Variants in BRIP1 observed in about 807,000 individuals in gnomAD.
BRIP1 encodes Fanconi anemia group J protein.
Under a neutral mutation model 119.7 loss-of-function variants are expected in BRIP1, and 88 were observed. That is an observed-to-expected ratio of 0.74 (90% CI 0.62 to 0.88). The LOEUF (loss-of-function observed/expected upper bound fraction) is 0.88, where lower values mean the gene tolerates loss of function less well. Among genes scored for constraint, BRIP1 ranks in the 40% least tolerant of loss-of-function variants. The pLI is 0.00. For synonymous variants in BRIP1, 443 were observed against 496.5 expected (o/e 0.89, Z 1.43); for missense variants, 1,259 against 1,455.4 (o/e 0.87, Z 2.20).
At position 61,861,393 on chromosome 17, in the gene BRIP1, T is replaced by C. The variant is rs1210794760; in HGVS notation, c.93+54A>G. 9.6e-6 allele frequency: 11 copies of C among 1,146,714 alleles called. No individual in the cohort carries two copies. Among genetic ancestry groups the C allele is most frequent in the Non-Finnish European group, 1.5e-5 (11 of 758,244 alleles). 71.0% of individuals were successfully genotyped at this position (1,146,714 alleles called of 1,614,324 possible). On this transcript the variant is annotated intron_variant, in intron 2 of 19. Transcript: ENST00000259008. The surrounding 1 kb of genome is among the most constrained non-coding windows in gnomAD (Gnocchi z 4.5). ...GCAGTCAAATACTCAATGTACTTTA[T>C]GGGTCATAAGTATCTATATCTTAAT...
chr17:61,711,167 T>G (rs186448205), intron 17 of BRIP1, among the ~76,000 whole-genome samples: 1 of 151,866 alleles, frequency 6.6e-6, no homozygotes, highest in Non-Finnish European at 1.5e-5. Context: ...AGATAATATA[T>G]GTGGAGAAGG....
chr17:61,860,346 T>C lies in BRIP1; in HGVS notation c.94-439A>G, dbSNP rs2078957222. Reference sequence around the variant, plus strand: ...GTTCTATGTGTACACCCAAAACCTTTCCCACATGAACACAAGGAAACATGC... The same window carrying C: ...GTTCTATGTGTACACCCAAAACCTTCCCCACATGAACACAAGGAAACATGC... On this transcript the variant is annotated intron_variant, in intron 2 of 19. Transcript: ENST00000259008. The surrounding 1 kb of genome is among the most constrained non-coding windows in gnomAD (Gnocchi z 4.1). Among the ~76,000 whole-genome samples, 1 of 152,120 alleles carries C rather than the reference T, an allele frequency of 6.6e-6. No homozygotes were observed. The highest frequency in any genetic ancestry group is 2.4e-5 in the African/African-American group (1 of 41,416).
chr17:61,706,018 A>G lies in BRIP1; in HGVS notation c.2492+9933T>C, dbSNP rs1258946641. ...TATTGAGAGGAATTTTGAAGTTTCC[A>G]AGTATAATTGTGTATTTTTCTATTT... On this transcript the variant is annotated intron_variant, in intron 17 of 19. Transcript: ENST00000259008. The surrounding 1 kb of genome is among the most constrained non-coding windows in gnomAD (Gnocchi z 5.7). Among the ~76,000 whole-genome samples the G allele has an allele frequency of 6.6e-6, 1 of 152,166 alleles. No individual in the cohort carries two copies. Among genetic ancestry groups the G allele is most frequent in the East Asian group, 1.9e-4 (1 of 5,198 alleles).
In BRIP1 at chr17:61,852,081, C is replaced by T. The variant is rs922913477; in HGVS notation, c.380-2825G>A. Among the ~76,000 whole-genome samples, 28 of 152,286 alleles carry T rather than the reference C, an allele frequency of 1.8e-4. No homozygotes were observed. The highest frequency in any genetic ancestry group is 3.8e-4 in the African/African-American group (16 of 41,578). On this transcript the variant is annotated intron_variant, in intron 4 of 19. Coordinates refer to ENST00000259008, the MANE Select transcript of BRIP1 (RefSeq NM_032043.3). The surrounding 1 kb of genome is among the most constrained non-coding windows in gnomAD (Gnocchi z 4.9). Reference sequence around the variant, plus strand: ...GGAGAAACTCTGTCCCAAATAAATACGGGGCAAACTGACATGGGCCTATTA... The same window carrying T: ...GGAGAAACTCTGTCCCAAATAAATATGGGGCAAACTGACATGGGCCTATTA...
In BRIP1 at chr17:61,799,170, T is replaced by C. The variant is rs1028779004; in HGVS notation, c.1270A>G (p.Ser424Gly). ...TTCCTTATATTATTGTTGACCATAC[T>C]ATCTAGTTCATCCCGAGCAAACCGA... ...QLRFARDELD[S>G]MVNNNIRKKD... Residue 424 changes from serine to glycine, a missense_variant, in exon 9 of 20, where the codon AGT becomes GGT. Ser to Gly is a moderately conservative substitution (Grantham distance 56). Coordinates refer to ENST00000259008, the MANE Select transcript of BRIP1 (RefSeq NM_032043.3). This position sits in a 1 kb window ranked among gnomAD's most constrained non-coding sequence, Gnocchi z 5.1. The C allele has an allele frequency of 1.2e-6, 2 of 1,613,770 alleles. No individual in the cohort carries two copies. The highest frequency in any genetic ancestry group is 1.7e-6 in the Non-Finnish European group (2 of 1,179,734).
At position 61,735,073 on chromosome 17, in the gene BRIP1, G is replaced by A. The variant is rs58564567; in HGVS notation, c.2379+7940C>T. 6.6e-6 allele frequency among the ~76,000 whole-genome samples: 1 copy of A among 152,238 alleles called. No individual in the cohort carries two copies. The highest frequency in any genetic ancestry group is 2.4e-5 in the African/African-American group (1 of 41,556). ...TTAAGGTCCTATAATTTGAAGCATA[G>A]TTTTAGTTTTGGAAGAGCCATCTAT... is the stretch of plus-strand genomic sequence containing the variant. On this transcript the variant is annotated intron_variant, in intron 16 of 19. Coordinates refer to ENST00000259008, the MANE Select transcript of BRIP1 (RefSeq NM_032043.3). The surrounding 1 kb of genome is among the most constrained non-coding windows in gnomAD (Gnocchi z 4.4).
rs1426207916 is a variant in BRIP1 at position 61,846,289 on chromosome 17, A to AT, written c.627+811dup. 6.6e-6 allele frequency among the ~76,000 whole-genome samples: 1 copy of AT among 152,088 alleles called. No individual in the cohort carries two copies. Among genetic ancestry groups the AT allele is most frequent in the Non-Finnish European group, 1.5e-5 (1 of 68,002 alleles). On this transcript the variant is annotated intron_variant, in intron 6 of 19. Coordinates refer to ENST00000259008, the MANE Select transcript of BRIP1 (RefSeq NM_032043.3). This position sits in a 1 kb window ranked among gnomAD's most constrained non-coding sequence, Gnocchi z 4.3. ...GAGAGAGAGAGAGAGGTTGGAGCCAATACCTTGATTTCTGCTAAGGCACCA... is the reference window on the plus strand; with the variant it reads ...GAGAGAGAGAGAGAGGTTGGAGCCAATTACCTTGATTTCTGCTAAGGCACCA...
chr17:61,713,265 ATACTGTACTTCTTATCACTACAGTG>A lies in BRIP1; in HGVS notation c.2492+2661_2492+2685del, dbSNP rs1490188861. 6.6e-6 allele frequency among the ~76,000 whole-genome samples: 1 copy of A among 152,160 alleles called. No homozygotes were observed. Among genetic ancestry groups the A allele is most frequent in the Non-Finnish European group, 1.5e-5 (1 of 68,030 alleles). The stretch of plus-strand genomic sequence containing the variant: ...TGTGTTACTGGTTTGTGTATTTACT[ATACTGTACTTCTTATCACTACAGTG>A]TACTCCTTTCACTTACATTAAAAAA... On this transcript the variant is annotated intron_variant, in intron 17 of 19. Coordinates refer to ENST00000259008, the MANE Select transcript of BRIP1 (RefSeq NM_032043.3). The surrounding 1 kb of genome is among the most constrained non-coding windows in gnomAD (Gnocchi z 4.9).
rs2077049657 is a variant in BRIP1, at chr17:61,745,724, C to T, written c.2098-1133G>A. ...GTTAAATAGAAAAAACACAGTATAA[C>T]TCATGAAATCTTTAGTTATGAATAA... On this transcript the variant is annotated intron_variant, in intron 14 of 19. Transcript: ENST00000259008. This position sits in a 1 kb window ranked among gnomAD's most constrained non-coding sequence, Gnocchi z 4.4. 6.6e-6 allele frequency among the ~76,000 whole-genome samples: 1 copy of T among 152,106 alleles called. No individual in the cohort carries two copies. The highest frequency in any genetic ancestry group is 1.5e-5 in the Non-Finnish European group (1 of 68,030).
rs2061471357 is a variant in BRIP1 at position 61,693,126 on chromosome 17, C to G, written c.2575+304G>C. ...TAAGCCAGTTACAGAAGGACAAATA[C>G]TGCATAATTCAATTTATATGAGGTA... On this transcript the variant is annotated intron_variant, in intron 18 of 19. Coordinates refer to ENST00000259008, the MANE Select transcript of BRIP1 (RefSeq NM_032043.3). This position sits in a 1 kb window ranked among gnomAD's most constrained non-coding sequence, Gnocchi z 4.2. 6.6e-6 allele frequency among the ~76,000 whole-genome samples: 1 copy of G among 152,120 alleles called. No individual in the cohort carries two copies. The highest frequency in any genetic ancestry group is 1.9e-4 in the East Asian group (1 of 5,196).
At chr17:61,821,501 T>C (rs1457166042) in intron 6 of BRIP1, among the ~76,000 whole-genome samples, 4 of 149,794 alleles carry the variant, frequency 2.7e-5, no homozygotes, top group Admixed American at 6.7e-5. Flanking sequence ...TTCTCTTTTT[T>C]TTTCTTGTAT....
Position 61,742,222 on chromosome 17 carries a change from T to C in BRIP1, c.2379+791A>G, listed in dbSNP as rs2076995511. 6.6e-6 allele frequency among the ~76,000 whole-genome samples: 1 copy of C among 152,188 alleles called. No individual in the cohort carries two copies. Among genetic ancestry groups the C allele is most frequent in the African/African-American group, 2.4e-5 (1 of 41,436 alleles). On this transcript the variant is annotated intron_variant, in intron 16 of 19. Transcript: ENST00000259008. This position sits in a 1 kb window ranked among gnomAD's most constrained non-coding sequence, Gnocchi z 4.7. ...TCAGCTTTCACAGAATTGAAGAGAG[T>C]TAGGGCCTTGCTCTGAATTAAGTTT...
Position 61,722,954 on chromosome 17 carries a change from C to CA in BRIP1, c.2380-6892dup, listed in dbSNP as rs1389945428. Among the ~76,000 whole-genome samples the CA allele has an allele frequency of 6.6e-6, 1 of 151,834 alleles. No homozygotes were observed. The highest frequency in any genetic ancestry group is 2.4e-5 in the African/African-American group (1 of 41,366). ...TACAAAAGAACAAAAAACTCCCAAA[C>CA]AAAAAACAAAACCCTGAAATGAACT... On this transcript the variant is annotated intron_variant, in intron 16 of 19. Coordinates refer to ENST00000259008, the MANE Select transcript of BRIP1 (RefSeq NM_032043.3). This position sits in a 1 kb window ranked among gnomAD's most constrained non-coding sequence, Gnocchi z 4.6.
At chr17:61,813,179 AAAG>A (rs764015599) in intron 6 of BRIP1, among the ~76,000 whole-genome samples, 2 of 152,048 alleles carry the variant, frequency 1.3e-5, no homozygotes, top group African/African-American at 2.4e-5. Flanking sequence ...CTAAGTATAT[AAAG>A]AAGTAGAGAG....
intron 6 of BRIP1, among the ~76,000 whole-genome samples, chr17:61,811,483 G>A (rs1010003760): frequency 4.6e-5 from 7 of 151,654 alleles, no homozygotes; most frequent in East Asian, 3.9e-4. Flanking sequence ...TCGGCCTCCC[G>A]AAGTGCTGGG....
In BRIP1 at chr17:61,717,261, TTC is replaced by T. The variant is rs893272556; in HGVS notation, c.2380-1200_2380-1199del. The stretch of plus-strand genomic sequence containing the variant: ...AATAATCTATGTATTTTATTCAGAT[TTC>T]TGTTTTGTCCCAAAAGATTATCTTT... On this transcript the variant is annotated intron_variant, in intron 16 of 19. Transcript: ENST00000259008. This position sits in a 1 kb window ranked among gnomAD's most constrained non-coding sequence, Gnocchi z 4.1. Among the ~76,000 whole-genome samples, 2 of 152,084 alleles carry T rather than the reference TTC, an allele frequency of 1.3e-5. No homozygotes were observed. Among genetic ancestry groups the T allele is most frequent in the African/African-American group, 2.4e-5 (1 of 41,464 alleles).
At position 61,796,702 on chromosome 17, in the gene BRIP1, AT is replaced by A. The variant is rs534761751; in HGVS notation, c.1340+2397del. ...ATAAAAGACAGACTATCTATTTTAC[AT>A]GTTTAAAAAATGATTCTAGCTACCA... On this transcript the variant is annotated intron_variant, in intron 9 of 19. Coordinates refer to ENST00000259008, the MANE Select transcript of BRIP1 (RefSeq NM_032043.3). This position sits in a 1 kb window ranked among gnomAD's most constrained non-coding sequence, Gnocchi z 4.8. 2.1e-3 allele frequency among the ~76,000 whole-genome samples: 322 copies of A among 152,162 alleles called. No homozygotes were observed. Among genetic ancestry groups the A allele is most frequent in the Admixed American group, 3.6e-3 (55 of 15,260 alleles).
rs991365107 is a variant in BRIP1, at chr17:61,709,387, A to G, written c.2492+6564T>C. Among the ~76,000 whole-genome samples the G allele has an allele frequency of 2.0e-5, 3 of 152,022 alleles. No homozygotes were observed. Among genetic ancestry groups the G allele is most frequent in the Non-Finnish European group, 2.9e-5 (2 of 68,018 alleles). On this transcript the variant is annotated intron_variant, in intron 17 of 19. Coordinates refer to ENST00000259008, the MANE Select transcript of BRIP1 (RefSeq NM_032043.3). The surrounding 1 kb of genome is among the most constrained non-coding windows in gnomAD (Gnocchi z 5.0). ...GGGTGAAGAGTAACATAAATGTTCA[A>G]TTTTTCTACAAAGACAAAAAAAATC...
rs1489059615 is a variant in BRIP1, at chr17:61,857,304, C to T, written c.206-73G>A. ...ATCAATCATTCTCTACAGCCCAGTTCACCCAGGATTGGGAGGTTTCCTAAG... is the reference window on the plus strand; with the variant it reads ...ATCAATCATTCTCTACAGCCCAGTTTACCCAGGATTGGGAGGTTTCCTAAG... On this transcript the variant is annotated intron_variant, in intron 3 of 19. Coordinates refer to ENST00000259008, the MANE Select transcript of BRIP1 (RefSeq NM_032043.3). This position sits in a 1 kb window ranked among gnomAD's most constrained non-coding sequence, Gnocchi z 5.1. 3.6e-6 allele frequency: 5 copies of T among 1,381,270 alleles called. No homozygotes were observed. In the East Asian group the frequency reaches 1.3e-4, roughly 35 times the overall value. The allele number at this position is 1,381,270 out of a possible 1,614,324, so 85.6% of individuals were successfully genotyped here. A position where few individuals can be genotyped will look rare whatever the true frequency, so the allele number is the denominator to read the frequency against.
Sources: allele counts gnomAD v4.1 joint callset (sites outside exome capture counted in the v4.1 genomes callset), GRCh38; gene constraint gnomAD v4.1.1; non-coding constraint Gnocchi (gnomAD v3.1); transcripts MANE v1.5; gene names NCBI Gene and HGNC (gene_info 2026-07-23, HGNC 2026-07-21).